The following ASIC2 variants were observed in gnomAD, a reference collection of about 807,000 sequenced individuals.
The protein encoded by ASIC2 is acid sensing ion channel subunit 2, also known as acid-sensing ion channel 2.
In ASIC2, 25 loss-of-function variants were observed where a neutral mutation model predicts 57.3. That is an observed-to-expected ratio of 0.44 (90% CI 0.32 to 0.61). The LOEUF is 0.61. ASIC2 is among the 20% of genes least tolerant of loss of function. ASIC2 has a pLI of 0.06. For synonymous variants in ASIC2, 319 were observed against 307.5 expected (o/e 1.04, Z -0.39); for missense variants, 641 against 738.1 (o/e 0.87, Z 1.52).
At chr17:33,591,547 T>C (rs1249097685) in intron 1 of ASIC2, among the ~76,000 whole-genome samples, 1 of 152,142 alleles carries the variant, frequency 6.6e-6, no homozygotes, top group African/African-American at 2.4e-5. Context: ...CTCACTCCAA[T>C]ATCCTTTCTG....
chr17:33,334,424 C>T (rs969781014), intron 1 of ASIC2, among the ~76,000 whole-genome samples: 2 of 152,176 alleles, frequency 1.3e-5, no homozygotes, highest in Non-Finnish European at 2.9e-5. Context: ...TCCTACTTCT[C>T]TCTGCAGCGG....
chr17:33,509,461 T>C lies in ASIC2; in HGVS notation c.556-397394A>G, dbSNP rs551488793. ...ATCTGCCGCAATCCCAAGTCTGGTTTCCTGAACTCTGTGTTCTATGCTCTT... is the reference window on the plus strand; with the variant it reads ...ATCTGCCGCAATCCCAAGTCTGGTTCCCTGAACTCTGTGTTCTATGCTCTT... On this transcript the variant is annotated intron_variant, in intron 1 of 9. Transcript: ENST00000359872. Among the ~76,000 whole-genome samples the C allele has an allele frequency of 5.3e-5, 8 of 152,312 alleles. No homozygotes were observed. In the South Asian group the frequency reaches 1.7e-3, roughly 32 times the overall value.
chr17:33,400,649 C>T (rs1016681238), intron 1 of ASIC2, among the ~76,000 whole-genome samples: 3 of 152,184 alleles, frequency 2.0e-5, no homozygotes, highest in Non-Finnish European at 4.4e-5. Context: ...AAGCAGCATA[C>T]AATCAGGACT....
intron 3 of ASIC2, among the ~76,000 whole-genome samples, chr17:33,054,521 C>T (rs1254580010): frequency 6.6e-6 from 1 of 152,180 alleles, no homozygotes; most frequent in Non-Finnish European, 1.5e-5. Flanking sequence ...GAAATCAATA[C>T]TCAGAGTTTT....
chr17:33,920,409 A>C lies in ASIC2; in HGVS notation c.555+235569T>G, dbSNP rs536272972. Among the ~76,000 whole-genome samples, 23 of 152,342 alleles carry C rather than the reference A, an allele frequency of 1.5e-4. No homozygotes were observed. In the Middle Eastern group the frequency reaches 0.01, roughly 68 times the overall value. On this transcript the variant is annotated intron_variant, in intron 1 of 9. Coordinates refer to the ASIC2 transcript ENST00000359872. Reference sequence around the variant, plus strand: ...GAATGGAGTCATGTCCTTTGCAGCAACATGGATGCAGGTGGAGGCCATTAT... The same window carrying C: ...GAATGGAGTCATGTCCTTTGCAGCACCATGGATGCAGGTGGAGGCCATTAT...
intron 1 of ASIC2, among the ~76,000 whole-genome samples, chr17:33,447,001 C>A (rs1267842340): frequency 6.6e-6 from 1 of 152,138 alleles, no homozygotes; most frequent in Non-Finnish European, 1.5e-5. Context: ...CTATTTTTCA[C>A]CCCCATCCTG....
rs1291127610 is a variant in ASIC2, at chr17:33,209,858, C to T, written c.708+81550G>A. 3.9e-5 allele frequency among the ~76,000 whole-genome samples: 6 copies of T among 152,184 alleles called. No homozygotes were observed. The South Asian group carries it at 6.2e-4, about 16-fold the overall frequency. ...TCACTTCCTCTGTTTTCCAACATCA[C>T]GTCATCTGCTGACCTAACTGACCAG... On this transcript the variant is annotated intron_variant, in intron 1 of 9. Coordinates refer to ENST00000225823, the MANE Select transcript of ASIC2 (RefSeq NM_183377.2).
chr17:33,067,012 G>C (rs892113789), intron 3 of ASIC2, among the ~76,000 whole-genome samples: 1 of 152,304 alleles, frequency 6.6e-6, no homozygotes, highest in East Asian at 1.9e-4. Context: ...GGATGAGTTA[G>C]TTACCAAGCA....
At chr17:33,926,066 C>A (rs1915816285) in intron 1 of ASIC2, among the ~76,000 whole-genome samples, 1 of 152,034 alleles carries the variant, frequency 6.6e-6, no homozygotes, top group African/African-American at 2.4e-5. Context: ...TTTTGGGAGC[C>A]CCATAGACTA....
chr17:33,718,455 G>T (rs1394674410), intron 1 of ASIC2, among the ~76,000 whole-genome samples: 1 of 152,058 alleles, frequency 6.6e-6, no homozygotes, highest in African/African-American at 2.4e-5. Context: ...CATCTGCCAG[G>T]TGTCTCGGTG....
At chr17:33,949,105 C>G (rs1054042332) in intron 1 of ASIC2, among the ~76,000 whole-genome samples, 12 of 151,396 alleles carry the variant, frequency 7.9e-5, no homozygotes, top group African/African-American at 2.9e-4. Context: ...TTTTTTTCAA[C>G]TATTTAAAAA....
At chr17:33,393,596 T>C (rs1909975504) in intron 1 of ASIC2, among the ~76,000 whole-genome samples, 1 of 152,166 alleles carries the variant, frequency 6.6e-6, no homozygotes, top group Non-Finnish European at 1.5e-5. Context: ...ATATAACTTC[T>C]TAGGCTTAGC....
intron 1 of ASIC2, among the ~76,000 whole-genome samples, chr17:33,997,501 T>C (rs779291238): frequency 6.6e-6 from 1 of 152,048 alleles, no homozygotes; most frequent in Non-Finnish European, 1.5e-5. Flanking sequence ...AATACAATGC[T>C]ACCTGTGGGC....
intron 1 of ASIC2, among the ~76,000 whole-genome samples, chr17:33,782,358 CTTTT>C (rs772291908): frequency 7.5e-6 from 1 of 133,840 alleles, no homozygotes. Flanking sequence ...ATTGAAGTTC[CTTTT>C]TTTTTTTTTT....
chr17:33,763,914 CTTTG>C (rs1457013714), intron 1 of ASIC2, among the ~76,000 whole-genome samples: 3 of 152,316 alleles, frequency 2.0e-5, no homozygotes, highest in Admixed American at 6.5e-5. Context: ...CTCTGCTTAT[CTTTG>C]TTTGTGTTGG....
chr17:33,612,071 T>C (rs1905427740), intron 1 of ASIC2, among the ~76,000 whole-genome samples: 1 of 152,154 alleles, frequency 6.6e-6, no homozygotes, highest in South Asian at 2.1e-4. Flanking sequence ...TTAAAGGCAA[T>C]GAAACAGAGA....
chr17:34,002,787 GT>G (rs886283493), intron 1 of ASIC2: 5 of 151,936 alleles, frequency 3.3e-5, no homozygotes, highest in African/African-American at 1.2e-4. Flanking sequence ...AGCTGGTATG[GT>G]TTTTTTCTCC....
At chr17:33,567,586 G>T (rs1016224246) in intron 1 of ASIC2, among the ~76,000 whole-genome samples, 3 of 152,170 alleles carry the variant, frequency 2.0e-5, no homozygotes, top group Non-Finnish European at 4.4e-5. Flanking sequence ...GGAGAAGCGT[G>T]GCAGGCCTGG....
rs2092235596 is a variant in ASIC2, at chr17:33,106,604, C to T, written c.859+5313G>A. 2.0e-5 allele frequency among the ~76,000 whole-genome samples: 3 copies of T among 152,198 alleles called. No homozygotes were observed. The South Asian group carries it at 6.2e-4, about 32-fold the overall frequency. On this transcript the variant is annotated intron_variant, in intron 2 of 9. Coordinates refer to ENST00000225823, the MANE Select transcript of ASIC2 (RefSeq NM_183377.2). ...CCACAGGGCTGTCTGTCTAGCAGTTCTCTTGGGAGTGCCTTCTGCAACCAC... is the reference window on the plus strand; with the variant it reads ...CCACAGGGCTGTCTGTCTAGCAGTTTTCTTGGGAGTGCCTTCTGCAACCAC...
Sources: allele counts gnomAD v4.1 joint callset (sites outside exome capture counted in the v4.1 genomes callset), GRCh38; gene constraint gnomAD v4.1.1; transcripts MANE v1.5; gene names NCBI Gene and HGNC (gene_info 2026-07-23, HGNC 2026-07-21).